SPATA13: variants seen among roughly 807,000 people sequenced by gnomAD.
SPATA13 encodes spermatogenesis associated 13.
Under a neutral mutation model 104.0 loss-of-function variants are expected in SPATA13, and 50 were observed. The observed-to-expected ratio is 0.48, with a 90% CI of 0.38 to 0.61. SPATA13 has a LOEUF of 0.61. SPATA13 is among the 20% of genes least tolerant of loss of function. The probability of loss-of-function intolerance (pLI) is 0.00; values close to 1 mark genes in which losing one functional copy is unlikely to be tolerated. For synonymous variants in SPATA13, 606 were observed against 667.5 expected (o/e 0.91, Z 1.42); for missense variants, 1,524 against 1,690.6 (o/e 0.90, Z 1.73).
chr13:24,049,676 A>G (rs535579026), intron 3 of SPATA13, among the ~76,000 whole-genome samples: 1 of 152,282 alleles, frequency 6.6e-6, no homozygotes, highest in African/African-American at 2.4e-5. Flanking sequence ...TCAGGCTACT[A>G]AAAACACGAA....
chr13:24,116,092 A>G (rs148202732), intron 3 of SPATA13, among the ~76,000 whole-genome samples: 1 of 152,340 alleles, frequency 6.6e-6, no homozygotes, highest in African/African-American at 2.4e-5. Context: ...GTCCTAGACC[A>G]TTCAGGCTGC....
At chr13:24,067,364 T>C (rs1442204796) in intron 3 of SPATA13, among the ~76,000 whole-genome samples, 1 of 152,154 alleles carries the variant, frequency 6.6e-6, no homozygotes, top group African/African-American at 2.4e-5. Flanking sequence ...AAGTCAAGGA[T>C]CATAATTAGG....
chr13:24,088,028 G>A lies in SPATA13; in HGVS notation c.-112+70327G>A, dbSNP rs185252239. Among the ~76,000 whole-genome samples, 15 of 152,336 alleles carry A rather than the reference G, an allele frequency of 9.8e-5. No homozygotes were observed. Among genetic ancestry groups the A allele is most frequent in the Admixed American group, 2.0e-4 (3 of 15,304 alleles). ...CTGTATTTAGTAACAATTTTATAAT[G>A]TCTCAACAGCTGCTTTTTACCCTCT... is the stretch of plus-strand genomic sequence containing the variant. On this transcript the variant is annotated intron_variant, in intron 3 of 14. Transcript: ENST00000424834. The surrounding 1 kb of genome is among the most constrained non-coding windows in gnomAD (Gnocchi z 4.3).
chr13:24,059,973 C>T (rs1367240350), intron 3 of SPATA13, among the ~76,000 whole-genome samples: 1 of 152,118 alleles, frequency 6.6e-6, no homozygotes, highest in Non-Finnish European at 1.5e-5. Flanking sequence ...ATTATGTTGG[C>T]TGTGGTTTTG....
At chr13:24,113,313 A>G (rs1487316506) in intron 3 of SPATA13, among the ~76,000 whole-genome samples, 1 of 152,216 alleles carries the variant, frequency 6.6e-6, no homozygotes, top group Non-Finnish European at 1.5e-5. Context: ...TCATAAAGCT[A>G]CTTCTGGGAC....
intron 3 of SPATA13, among the ~76,000 whole-genome samples, chr13:24,087,631 T>C (rs565192390): frequency 1.3e-5 from 2 of 152,312 alleles, no homozygotes; most frequent in Admixed American, 1.3e-4. Flanking sequence ...ATTACAGGAA[T>C]GAAGATGGAA....
At chr13:24,123,787 T>A in intron 3 of SPATA13, 2 of 1,076,512 alleles carry the variant, frequency 1.9e-6, no homozygotes, top group Non-Finnish European at 2.9e-6. Context: ...TTCTTCCAGG[T>A]GAGAGCATGA....
At chr13:24,085,048 G>A (rs1365523396) in intron 3 of SPATA13, among the ~76,000 whole-genome samples, 6 of 152,066 alleles carry the variant, frequency 3.9e-5, no homozygotes, top group African/African-American at 1.4e-4. Flanking sequence ...TGGGATTCTG[G>A]GTTGGGGAGG....
intron 2 of SPATA13, among the ~76,000 whole-genome samples, chr13:23,988,858 T>C (rs1179183228): frequency 2.6e-5 from 4 of 152,214 alleles, no homozygotes; most frequent in Non-Finnish European, 5.9e-5. Flanking sequence ...TTATATTGGC[T>C]GTTGTTGAAA....
chr13:24,038,836 T>A (rs1011812319), intron 3 of SPATA13, among the ~76,000 whole-genome samples: 7 of 152,152 alleles, frequency 4.6e-5, no homozygotes, highest in Non-Finnish European at 8.8e-5. Flanking sequence ...AAAAATTGGG[T>A]GGAATCCTGG....
At chr13:24,048,734 A>G (rs546332907) in intron 3 of SPATA13, among the ~76,000 whole-genome samples, 5 of 152,326 alleles carry the variant, frequency 3.3e-5, no homozygotes, top group African/African-American at 9.6e-5. Context: ...GTTTAATATC[A>G]GAGTGCACTC....
intron 3 of SPATA13, among the ~76,000 whole-genome samples, chr13:24,023,898 C>A (rs1877088900): frequency 6.6e-6 from 1 of 152,176 alleles, no homozygotes; most frequent in Non-Finnish European, 1.5e-5. Context: ...ATGTTTCAGG[C>A]CACAGCATGG....
In SPATA13 at chr13:24,048,823, C is replaced by A. The variant is rs568801807; in HGVS notation, c.-112+31122C>A. ...AGAAATAGTAATTCAAACTAGAAGACCTTGTAGCAAATTTATCGCATCCAG... is the reference window on the plus strand; with the variant it reads ...AGAAATAGTAATTCAAACTAGAAGAACTTGTAGCAAATTTATCGCATCCAG... On this transcript the variant is annotated intron_variant, in intron 3 of 14. Coordinates refer to the SPATA13 transcript ENST00000424834. Among the ~76,000 whole-genome samples the A allele has an allele frequency of 1.1e-4, 17 of 152,202 alleles. No homozygotes were observed. In the South Asian group the frequency reaches 1.2e-3, roughly 11 times the overall value.
chr13:24,095,041 A>G (rs867651800), intron 3 of SPATA13, among the ~76,000 whole-genome samples: 3 of 152,192 alleles, frequency 2.0e-5, no homozygotes, highest in Non-Finnish European at 4.4e-5. Context: ...TGATCCAGCA[A>G]TCCCACTTCT....
chr13:23,980,340 C>T (rs1874824051), intron 1 of SPATA13, among the ~76,000 whole-genome samples: 1 of 152,178 alleles, frequency 6.6e-6, no homozygotes, highest in Non-Finnish European at 1.5e-5. Flanking sequence ...GCTGTGTTGC[C>T]GGGCGACGGA....
At chr13:24,294,597 A>T (rs1230804080) in intron 9 of SPATA13, 142 bp from the exon 10 acceptor site, 2 of 853,298 alleles carry the variant, frequency 2.3e-6, no homozygotes, top group Admixed American at 6.6e-5. Context: ...GGGAACAAGA[A>T]AAAGGGAAAC....
chr13:24,278,881 C>T lies in SPATA13; in HGVS notation c.2165-5254C>T, dbSNP rs866395037. 5,255 of 617,056 alleles carry T rather than the reference C, an allele frequency of 8.5e-3. 222 individuals carry two copies. The highest frequency in any genetic ancestry group is 0.027 in the African/African-American group (757 of 28,008). 38.2% of individuals were successfully genotyped at this position (617,056 alleles called of 1,614,324 possible). On this transcript the variant is annotated intron_variant, in intron 4 of 12. Coordinates refer to ENST00000382108, the MANE Select transcript of SPATA13 (RefSeq NM_001166271.3). ...TCCACATGCTGTTTTTCTTTCCTTC[C>T]TTCCTTCCTTCCTTCCTTCCTTCCT...
chr13:24,176,300 C>G (rs1868433240), intron 1 of SPATA13, among the ~76,000 whole-genome samples: 1 of 152,282 alleles, frequency 6.6e-6, no homozygotes, highest in East Asian at 1.9e-4. Flanking sequence ...GGTGTCAGTA[C>G]TAAAGTTGTT....
At chr13:24,160,696 GC>G (rs1882432759), upstream of SPATA13, 14 of 984,896 alleles carry the variant, frequency 1.4e-5, no homozygotes, top group Non-Finnish European at 1.7e-5. Flanking sequence ...CTGGTGGGGA[GC>G]GGGGCTGGGG....
Sources: gnomAD v4.1 joint callset for allele counts (sites outside exome capture counted in the v4.1 genomes callset) on GRCh38, gnomAD v4.1.1 for gene constraint, Gnocchi (gnomAD v3.1) non-coding constraint, MANE v1.5 for transcripts, NCBI Gene and HGNC (gene_info 2026-07-23, HGNC 2026-07-21) for gene names.